The following TRPM8 variants were observed in gnomAD, a reference collection of about 807,000 sequenced individuals.
TRPM8 encodes the protein TRPM8 cationic channel.
In TRPM8, 110 loss-of-function variants were observed where a neutral mutation model predicts 133.7. That is an observed-to-expected ratio of 0.82 (90% CI 0.70 to 0.96). The LOEUF (loss-of-function observed/expected upper bound fraction) is 0.96. Among genes scored for constraint, TRPM8 ranks in the 40% least tolerant of loss-of-function variants. The pLI is 0.00. For missense variants in TRPM8, 1,291 were observed against 1,379.5 expected, an observed-to-expected ratio of 0.94 and a Z score of 1.02; for synonymous variants, 535 against 532.3, an observed-to-expected ratio of 1.01 and a Z score of -0.07.
intron 1 of TRPM8, 117 bp downstream of exon 1, chr2:233,917,549 T>C (rs1409394227): frequency 2.0e-5 from 3 of 152,242 alleles, no homozygotes; most frequent in Admixed American, 6.5e-5. Flanking sequence ...CTATGAAGAT[T>C]TGAAACTAAA....
intron 22 of TRPM8, among the ~76,000 whole-genome samples, chr2:234,001,036 G>C (rs1169942886): frequency 1.3e-5 from 2 of 152,190 alleles, no homozygotes; most frequent in South Asian, 4.1e-4. Context: ...GGAGAAATAG[G>C]ATAGGGCAAA....
chr2:234,007,747 G>T (rs1480362416), intron 23 of TRPM8, among the ~76,000 whole-genome samples: 1 of 152,176 alleles, frequency 6.6e-6, no homozygotes, highest in Non-Finnish European at 1.5e-5. Flanking sequence ...CAGAGATGAT[G>T]TCATAAGCTC....
chr2:233,983,274 C>T (rs1258574480), intron 20 of TRPM8, 50 bp downstream of exon 20: 2 of 1,610,608 alleles, frequency 1.2e-6, no homozygotes, highest in Non-Finnish European at 1.7e-6. Flanking sequence ...GGCATTTGCT[C>T]CCTGAACCAA....
At chr2:234,001,014 G>A (rs1692551034) in intron 22 of TRPM8, among the ~76,000 whole-genome samples, 1 of 152,222 alleles carries the variant, frequency 6.6e-6, no homozygotes, top group African/African-American at 2.4e-5. Flanking sequence ...TTAATGAAGA[G>A]TGGAAGGTTG....
In TRPM8 at chr2:233,996,244, A is replaced by G; in HGVS notation, c.2940-82A>G. On this transcript the variant is annotated intron_variant, in intron 21 of 25. Coordinates refer to ENST00000324695, the MANE Select transcript of TRPM8 (RefSeq NM_024080.5). ...ACTTAAGCTATTGCAGTAATAGCTT[A>G]ATACCACTATTACCATACTAGGCAG... is the stretch of plus-strand genomic sequence containing the variant. 4 of 1,274,930 alleles carry G rather than the reference A, an allele frequency of 3.1e-6. No individual in the cohort carries two copies. In the South Asian group the frequency reaches 5.4e-5, roughly 17 times the overall value. The allele number at this position is 1,274,930 out of a possible 1,614,324, so 79.0% of individuals were successfully genotyped here.
chr2:233,942,631 G>T lies in TRPM8; in HGVS notation c.582G>T (p.Glu194Asp). ...THYGLMKYIG[E>D]VVRDNTISRS... is the part of the protein sequence containing the mutation. ...ATGGCCTGATGAAGTACATCGGGGA[G>T]GTGGTGAGAGATAACACCATCAGCA... The change falls in exon 6 of 26, where the codon GAG becomes GAT. Residue 194 changes from glutamate to aspartate, a missense_variant. Physicochemically the swap from Glu to Asp is conservative, Grantham distance 45 (BLOSUM62 2). Around this residue, in one of 2 missense-constraint regions of TRPM8, gnomAD observed 963 missense variants for 968.9 expected, o/e 0.99. Coordinates refer to ENST00000324695, the MANE Select transcript of TRPM8 (RefSeq NM_024080.5). 6.2e-7 allele frequency: 1 copy of T among 1,614,228 alleles called. No individual in the cohort carries two copies. The highest frequency in any genetic ancestry group is 1.3e-5 in the African/African-American group (1 of 75,062).
intron 17 of TRPM8, among the ~76,000 whole-genome samples, chr2:233,970,953 C>T (rs1452550920): frequency 2.6e-5 from 4 of 152,212 alleles, no homozygotes; most frequent in Admixed American, 1.3e-4. Context: ...GTCTCTCTAC[C>T]GTTGAACCCA....
At chr2:233,993,995 C>CT (rs1692344501) in intron 21 of TRPM8, among the ~76,000 whole-genome samples, 1 of 151,976 alleles carries the variant, frequency 6.6e-6, no homozygotes, top group Admixed American at 6.6e-5. Context: ...GCATCTATTT[C>CT]TTTTTTGGAA....
chr2:233,938,715 C>A (rs1690825195), intron 4 of TRPM8, among the ~76,000 whole-genome samples: 1 of 152,020 alleles, frequency 6.6e-6, no homozygotes, highest in South Asian at 2.1e-4. Flanking sequence ...TCTCGGTGAG[C>A]AGAGGGGTGA....
At chr2:233,940,778 G>C (rs1460603056) in intron 5 of TRPM8, among the ~76,000 whole-genome samples, 1 of 152,194 alleles carries the variant, frequency 6.6e-6, no homozygotes, top group African/African-American at 2.4e-5. Context: ...TTATTCACAG[G>C]GTTGCCCAGT....
intron 21 of TRPM8, among the ~76,000 whole-genome samples, chr2:233,988,257 C>T (rs1001084074): frequency 1.3e-5 from 2 of 151,922 alleles, no homozygotes; most frequent in Non-Finnish European, 2.9e-5. Flanking sequence ...TGTTCCATCC[C>T]GAACTTCTCT....
chr2:233,992,063 G>A (rs967836717), intron 21 of TRPM8, among the ~76,000 whole-genome samples: 1 of 152,070 alleles, frequency 6.6e-6, no homozygotes, highest in Non-Finnish European at 1.5e-5. Flanking sequence ...CAGATTCCTT[G>A]TTAATTTGTT....
At chr2:233,985,620 C>G in intron 20 of TRPM8, 68 bp from the exon 21 acceptor site, 1 of 1,463,962 alleles carries the variant, frequency 6.8e-7, no homozygotes. Flanking sequence ...TCTTGTGGCC[C>G]TGGGAATGCC....
intron 12 of TRPM8, 51 bp from the exon 13 acceptor site, chr2:233,963,231 C>T (rs1574731166): frequency 1.5e-6 from 2 of 1,327,140 alleles, no homozygotes; most frequent in South Asian, 2.5e-5. Flanking sequence ...GCTTCCTGAT[C>T]CCAGAACAGT....
chr2:233,943,684 A>C (rs990636938), intron 6 of TRPM8, among the ~76,000 whole-genome samples: 1 of 152,222 alleles, frequency 6.6e-6, no homozygotes, highest in African/African-American at 2.4e-5. Context: ...TTTCATGCTA[A>C]AAATACAAGG....
intron 4 of TRPM8, 89 bp from the exon 5 acceptor site, chr2:233,938,909 G>A (rs879074718): frequency 7.0e-7 from 1 of 1,438,200 alleles, no homozygotes; most frequent in South Asian, 1.3e-5. Flanking sequence ...AAGCAGGCAA[G>A]CGTGGGCTTG....
At chr2:233,963,132 T>A in intron 12 of TRPM8, 150 bp from the exon 13 acceptor site, 1 of 453,038 alleles carries the variant, frequency 2.2e-6, no homozygotes, top group Non-Finnish European at 4.0e-6. Context: ...CCCAATGAGT[T>A]GCAGAGATGA....
chr2:234,012,396 T>C (rs537030154), intron 24 of TRPM8, among the ~76,000 whole-genome samples: 1 of 152,160 alleles, frequency 6.6e-6, no homozygotes, highest in Non-Finnish European at 1.5e-5. Context: ...TCTGCCTGCC[T>C]TGGACTCCCA....
chr2:233,926,508 T>G, intron 1 of TRPM8, 25 bp from the exon 2 acceptor site: 1 of 1,577,180 alleles, frequency 6.3e-7, no homozygotes, highest in Non-Finnish European at 8.7e-7. Flanking sequence ...TAACCCAAAC[T>G]TATCCCCTCC....
Sources: gnomAD v4.1 joint callset for allele counts (sites outside exome capture counted in the v4.1 genomes callset) on GRCh38, gnomAD v4.1.1 for gene constraint, gnomAD v4.1.1 regional missense constraint, MANE v1.5 for transcripts, NCBI Gene and HGNC (gene_info 2026-07-23, HGNC 2026-07-21) for gene names.